The following FRMPD4 variants were observed in gnomAD, a reference collection of about 807,000 sequenced individuals.
The protein encoded by FRMPD4 is FERM and PDZ domain-containing protein 4.
Under a neutral mutation model 94.1 loss-of-function variants are expected in FRMPD4, and 22 were observed. That is an observed-to-expected ratio of 0.23 (90% CI 0.17 to 0.33). The LOEUF is 0.33. Ranked by LOEUF, FRMPD4 falls within the 10% of genes least tolerant of loss-of-function variation. The pLI is 1.00. For missense variants in FRMPD4, 1,111 were observed against 1,339.9 expected, an observed-to-expected ratio of 0.83 and a Z score of 2.67; for synonymous variants, 631 against 548.6, an observed-to-expected ratio of 1.15 and a Z score of -2.10.
intron 4 of FRMPD4, among the ~76,000 whole-genome samples, chrX:12,653,596 C>T (rs756355002): frequency 1.9e-4 from 21 of 111,032 alleles, no homozygotes; most frequent in African/African-American, 5.6e-4. Flanking sequence ...ATTTGAAAAC[C>T]GCTAATCAAT....
At chrX:12,657,094 A>C (rs1361487357) in intron 4 of FRMPD4, among the ~76,000 whole-genome samples, 1 of 110,538 alleles carries the variant, frequency 9.0e-6, no homozygotes, top group Non-Finnish European at 1.9e-5. Context: ...CTAAAAAAAA[A>C]AAAAACAAAA....
intron 1 of FRMPD4, among the ~76,000 whole-genome samples, chrX:12,230,204 A>G (rs1056273331): frequency 9.8e-5 from 11 of 111,826 alleles, no homozygotes; most frequent in African/African-American, 3.6e-4. Context: ...TTTCCTCTAC[A>G]TTCACATCAT....
chrX:12,119,211 G>C (rs1464023994), intron 3 of FRMPD4, among the ~76,000 whole-genome samples: 5 of 111,395 alleles, frequency 4.5e-5, no homozygotes, highest in Admixed American at 9.6e-5. Flanking sequence ...AGATCCAAAA[G>C]CTTCTACCAT....
intron 3 of FRMPD4, among the ~76,000 whole-genome samples, chrX:12,012,140 C>G (rs1250169814): frequency 9.0e-6 from 1 of 111,346 alleles, no homozygotes; most frequent in Non-Finnish European, 1.9e-5. Flanking sequence ...ACCTCGTGAT[C>G]CACCTGCCTT....
intron 1 of FRMPD4, among the ~76,000 whole-genome samples, chrX:12,181,968 G>A (rs2056364515): frequency 9.0e-6 from 1 of 111,492 alleles, no homozygotes; most frequent in South Asian, 3.8e-4. Context: ...GGTGACACCA[G>A]CAAATGATAC....
chrX:12,571,420 G>C (rs748375478), intron 2 of FRMPD4, among the ~76,000 whole-genome samples: 1 of 112,594 alleles, frequency 8.9e-6, no homozygotes, highest in African/African-American at 3.2e-5. Context: ...GCTAAACAAA[G>C]GGTGCAGTTT....
chrX:12,476,795 C>A (rs2057605457), intron 1 of FRMPD4, among the ~76,000 whole-genome samples: 1 of 111,274 alleles, frequency 9.0e-6, no homozygotes, highest in South Asian at 3.8e-4. Flanking sequence ...GAATGGTGAT[C>A]ATTAAAAAGT....
intron 3 of FRMPD4, among the ~76,000 whole-genome samples, chrX:12,058,458 G>A (rs933722378): frequency 5.4e-5 from 6 of 110,627 alleles, no homozygotes; most frequent in Non-Finnish European, 1.1e-4. Context: ...TTTGGATATC[G>A]GTTTCTGGGC....
At chrX:12,300,424 A>G (rs998120967) in intron 1 of FRMPD4, among the ~76,000 whole-genome samples, 2 of 111,823 alleles carry the variant, frequency 1.8e-5, no homozygotes, top group African/African-American at 6.5e-5. Context: ...AATGAATGAA[A>G]GGGGGAAGCA....
intron 2 of FRMPD4, among the ~76,000 whole-genome samples, chrX:11,875,493 C>G (rs7054403): frequency 0.061 from 6,815 of 111,374 alleles, 518 homozygotes; most frequent in African/African-American, 0.21. Context: ...CTTGAAGCTC[C>G]TGCTCCCAAA....
At chrX:12,662,477 T>A (rs898887746) in intron 4 of FRMPD4, among the ~76,000 whole-genome samples, 4 of 111,703 alleles carry the variant, frequency 3.6e-5, no homozygotes, top group Non-Finnish European at 1.9e-5. Context: ...CTGTGTTAGT[T>A]TGCTGAGAAT....
At chrX:12,236,422 G>A (rs553080402) in intron 1 of FRMPD4, among the ~76,000 whole-genome samples, 1 of 111,271 alleles carries the variant, frequency 9.0e-6, no homozygotes, top group South Asian at 3.8e-4. Context: ...GGGAGAGTTC[G>A]GGATCAAATT....
intron 1 of FRMPD4, among the ~76,000 whole-genome samples, chrX:11,845,630 A>G (rs1411135180): frequency 2.7e-5 from 3 of 109,646 alleles, no homozygotes; most frequent in Admixed American, 9.8e-5. Flanking sequence ...AAAATCCTCA[A>G]TAAAATACTG....
chrX:11,843,398 T>A (rs903811352), intron 1 of FRMPD4, among the ~76,000 whole-genome samples: 3 of 111,467 alleles, frequency 2.7e-5, no homozygotes, highest in Non-Finnish European at 5.6e-5. Flanking sequence ...TTACTATTAG[T>A]GTCACATATA....
chrX:12,545,486 A>G (rs1331705003), intron 2 of FRMPD4, among the ~76,000 whole-genome samples: 1 of 112,784 alleles, frequency 8.9e-6, no homozygotes, highest in Non-Finnish European at 1.9e-5. Context: ...AGATGCATCA[A>G]AGTTTCCCTG....
intron 1 of FRMPD4, among the ~76,000 whole-genome samples, chrX:11,845,045 G>A (rs1187953024): frequency 8.9e-6 from 1 of 111,865 alleles, no homozygotes; most frequent in Non-Finnish European, 1.9e-5. Context: ...ATTTCCATCT[G>A]GATATAATGA....
chrX:11,908,876 A>G (rs1053608000), intron 3 of FRMPD4, among the ~76,000 whole-genome samples: 6 of 111,834 alleles, frequency 5.4e-5, no homozygotes, highest in African/African-American at 1.6e-4. Flanking sequence ...TTTTTCTTTT[A>G]TATGTTACAT....
rs1214573062 is a variant in FRMPD4, at chrX:12,416,679, CT to C, written c.42-81997del. On this transcript the variant is annotated intron_variant, in intron 1 of 16. Transcript: ENST00000675598. ...GTCTTATGACTGTCCTTCATTTAGC[CT>C]TTTGCCTCTTTAGAGATGGGACATA... is the stretch of plus-strand genomic sequence containing the variant. Among the ~76,000 whole-genome samples, 5 of 111,784 alleles carry C rather than the reference CT, an allele frequency of 4.5e-5. No individual in the cohort carries two copies. The East Asian group carries it at 1.4e-3, about 31-fold the overall frequency.
chrX:12,425,158 AT>A (rs1260611182), intron 1 of FRMPD4, among the ~76,000 whole-genome samples: 9 of 112,103 alleles, frequency 8.0e-5, no homozygotes, highest in African/African-American at 2.9e-4. Flanking sequence ...CTCGTGCTTA[AT>A]TTTTTTTCTG....
Sources: gnomAD v4.1 joint callset for allele counts (sites outside exome capture counted in the v4.1 genomes callset) on GRCh38, gnomAD v4.1.1 for gene constraint, MANE v1.5 for transcripts, NCBI Gene and HGNC (gene_info 2026-07-23, HGNC 2026-07-21) for gene names.